The following GALNT18 variants were observed in gnomAD, a reference collection of about 807,000 sequenced individuals.
The protein encoded by GALNT18 is GalNAc-transferase 18.
A neutral mutation model predicts 69.5 loss-of-function variants in GALNT18; 44 were observed. The observed-to-expected ratio is 0.63, with a 90% confidence interval of 0.50 to 0.81. The LOEUF (loss-of-function observed/expected upper bound fraction) is 0.81. Ranked by LOEUF, GALNT18 falls within the 40% of genes least tolerant of loss-of-function variation. GALNT18 has a pLI of 0.00. For synonymous variants in GALNT18, 364 were observed against 318.2 expected (o/e 1.14, Z -1.53); for missense variants, 715 against 810.0 (o/e 0.88, Z 1.42).
chr11:11,371,446 G>A (rs1439613181), intron 6 of GALNT18, among the ~76,000 whole-genome samples: 2 of 152,214 alleles, frequency 1.3e-5, no homozygotes, highest in African/African-American at 4.8e-5. Context: ...TGCCAGAGTA[G>A]GGCCAGTAGG....
At chr11:11,575,671 G>A (rs1057153121) in intron 1 of GALNT18, among the ~76,000 whole-genome samples, 1 of 152,214 alleles carries the variant, frequency 6.6e-6, no homozygotes, top group African/African-American at 2.4e-5. Context: ...GATGTAAGCT[G>A]CTCCCCTTCC....
chr11:11,416,747 G>A (rs1267674528), intron 3 of GALNT18, among the ~76,000 whole-genome samples: 1 of 152,154 alleles, frequency 6.6e-6, no homozygotes, highest in Non-Finnish European at 1.5e-5. Flanking sequence ...ATCCCCCAGG[G>A]TAGCAGGTCA....
At chr11:11,503,892 G>T (rs530470987) in intron 1 of GALNT18, among the ~76,000 whole-genome samples, 23 of 152,262 alleles carry the variant, frequency 1.5e-4, no homozygotes, top group African/African-American at 5.3e-4. Context: ...TGCCAGCAGT[G>T]CAGAAACCCC....
chr11:11,291,851 C>G (rs980757631), intron 10 of GALNT18, among the ~76,000 whole-genome samples: 3 of 152,196 alleles, frequency 2.0e-5, no homozygotes, highest in Non-Finnish European at 4.4e-5. Flanking sequence ...CTAAGAGTCT[C>G]TGTAAGTGCT....
intron 9 of GALNT18, among the ~76,000 whole-genome samples, chr11:11,301,709 C>G (rs1319808387): frequency 6.6e-6 from 1 of 152,140 alleles, no homozygotes; most frequent in Non-Finnish European, 1.5e-5. Flanking sequence ...GGAACTCAGC[C>G]CATCAGTGAG....
chr11:11,495,327 C>T lies in GALNT18; in HGVS notation c.236-46391G>A, dbSNP rs572441828. Among the ~76,000 whole-genome samples, 15 of 152,256 alleles carry T rather than the reference C, an allele frequency of 9.9e-5. No homozygotes were observed. The South Asian group carries it at 1.2e-3, about 13-fold the overall frequency. ...AAGGTACTTCTCAGAGCCTTCACTA[C>T]GCTAATAATGAATGTGAATCTCCAA... On this transcript the variant is annotated intron_variant, in intron 1 of 10. Coordinates refer to ENST00000227756, the MANE Select transcript of GALNT18 (RefSeq NM_198516.3).
Position 11,341,022 on chromosome 11 carries a change from C to G in GALNT18, c.1093-18G>C. The stretch of plus-strand genomic sequence containing the variant: ...TGCCACACCTGCAGAAGACATGGAG[C>G]CACTTGTCAGAGCCTGCCTGGCTCT... On this transcript the variant is annotated intron_variant, in intron 6 of 10. Coordinates refer to ENST00000227756, the MANE Select transcript of GALNT18 (RefSeq NM_198516.3). The surrounding 1 kb of genome is among the most constrained non-coding windows in gnomAD (Gnocchi z 6.3). The G allele has an allele frequency of 6.3e-7, 1 of 1,578,120 alleles. No individual in the cohort carries two copies.
rs1023409512 is a variant in GALNT18 at position 11,338,054 on chromosome 11, G to A, written c.1278+2765C>T. ...ACGATCTCAGCTCACTGGGACCTCC[G>A]CCTCCCAGGTTAAAATGATTCTCTT... is the stretch of plus-strand genomic sequence containing the variant. On this transcript the variant is annotated intron_variant, in intron 7 of 10. Transcript: ENST00000227756. This position sits in a 1 kb window ranked among gnomAD's most constrained non-coding sequence, Gnocchi z 5.3. Among the ~76,000 whole-genome samples, 3 of 144,220 alleles carry A rather than the reference G, an allele frequency of 2.1e-5. No individual in the cohort carries two copies. The highest frequency in any genetic ancestry group is 4.5e-5 in the Non-Finnish European group (3 of 67,164). 94.6% of individuals were successfully genotyped at this position (144,220 alleles called of 152,430 possible). A position where few individuals can be genotyped will look rare whatever the true frequency, so the allele number is the denominator to read the frequency against.
At chr11:11,407,577 C>T (rs906321280) in intron 3 of GALNT18, among the ~76,000 whole-genome samples, 7 of 152,182 alleles carry the variant, frequency 4.6e-5, no homozygotes, top group Admixed American at 3.9e-4. Flanking sequence ...AAGTCAGCTG[C>T]ATGATGTAGC....
chr11:11,579,575 C>T (rs886543525), intron 1 of GALNT18, among the ~76,000 whole-genome samples: 2 of 152,180 alleles, frequency 1.3e-5, no homozygotes, highest in Admixed American at 1.3e-4. Context: ...ACCCCATGGG[C>T]ATCGCAGGCC....
chr11:11,361,484 T>C (rs756829573), intron 6 of GALNT18, among the ~76,000 whole-genome samples: 4 of 152,210 alleles, frequency 2.6e-5, no homozygotes, highest in Non-Finnish European at 5.9e-5. Context: ...GTCATATTAC[T>C]ATTAATCATT....
Position 11,620,332 on chromosome 11 carries a change from C to CGT in GALNT18, c.235+1025_235+1026dup, listed in dbSNP as rs1292077640. 5.2e-3 allele frequency among the ~76,000 whole-genome samples: 463 copies of CGT among 88,466 alleles called. 3 individuals carry two copies. Among genetic ancestry groups the CGT allele is most frequent in the African/African-American group, 0.02 (412 of 20,904 alleles). The allele number at this position is 88,466 out of a possible 152,430, so 58.0% of individuals were successfully genotyped here. On this transcript the variant is annotated intron_variant, in intron 1 of 10. Transcript: ENST00000227756. The surrounding 1 kb of genome is among the most constrained non-coding windows in gnomAD (Gnocchi z 6.9). ...GTGGACGTGAGCGCGCGCGCGCGCG[C>CGT]GTGTGTGTGTGTGTGTGCACACCCG... is the stretch of plus-strand genomic sequence containing the variant.
At chr11:11,558,582 C>T (rs1298631507) in intron 1 of GALNT18, among the ~76,000 whole-genome samples, 1 of 152,222 alleles carries the variant, frequency 6.6e-6, no homozygotes, top group Non-Finnish European at 1.5e-5. Flanking sequence ...AGCATTTCCA[C>T]CCTTCTTTAG....
Position 11,449,134 on chromosome 11 carries a change from C to G in GALNT18, c.236-198G>C, listed in dbSNP as rs867309827. ...TCCATCCATTCATCTAACCCACAACCACCAGGCACAGGAGTTAGAGAAATA... is the reference window on the plus strand; with the variant it reads ...TCCATCCATTCATCTAACCCACAACGACCAGGCACAGGAGTTAGAGAAATA... On this transcript the variant is annotated intron_variant, in intron 1 of 10. Transcript: ENST00000227756. 7.9e-5 allele frequency among the ~76,000 whole-genome samples: 12 copies of G among 152,368 alleles called. No individual in the cohort carries two copies. In the South Asian group the frequency reaches 1.2e-3, roughly 16 times the overall value.
Position 11,372,293 on chromosome 11 carries a change from A to C in GALNT18, c.1092+222T>G, listed in dbSNP as rs541772564. ...TTGAGTTGGCAGCTTAACCTCTCCC[A>C]TGCTCCCTCCCCCAGCCAAGCTGGT... On this transcript the variant is annotated intron_variant, in intron 6 of 10. Transcript: ENST00000227756. The surrounding 1 kb of genome is among the most constrained non-coding windows in gnomAD (Gnocchi z 4.9). Among the ~76,000 whole-genome samples, 1 of 152,132 alleles carries C rather than the reference A, an allele frequency of 6.6e-6. No homozygotes were observed. The highest frequency in any genetic ancestry group is 6.5e-5 in the Admixed American group (1 of 15,286).
intron 1 of GALNT18, among the ~76,000 whole-genome samples, chr11:11,508,191 T>C (rs1479324581): frequency 6.6e-6 from 1 of 152,256 alleles, no homozygotes; most frequent in African/African-American, 2.4e-5. Flanking sequence ...GCTTGTTATA[T>C]ATCTTTTTGG....
chr11:11,514,391 G>A (rs1240142338), intron 1 of GALNT18, among the ~76,000 whole-genome samples: 6 of 152,166 alleles, frequency 3.9e-5, no homozygotes, highest in Admixed American at 3.9e-4. Context: ...CACCTCCAAG[G>A]AAGCAGCCTC....
intron 1 of GALNT18, among the ~76,000 whole-genome samples, chr11:11,492,364 A>C (rs1856788147): frequency 6.6e-6 from 1 of 152,128 alleles, no homozygotes. Flanking sequence ...AACCAACAAT[A>C]ACACTGCCAT....
chr11:11,271,537 C>T (rs1285225585), intron 10 of GALNT18, among the ~76,000 whole-genome samples: 1 of 150,990 alleles, frequency 6.6e-6, no homozygotes, highest in Non-Finnish European at 1.5e-5. Flanking sequence ...GCCTCCCCAC[C>T]CCTAGGTAGT....
Sources: gnomAD v4.1 joint callset for allele counts (sites outside exome capture counted in the v4.1 genomes callset) on GRCh38, gnomAD v4.1.1 for gene constraint, Gnocchi (gnomAD v3.1) non-coding constraint, MANE v1.5 for transcripts, NCBI Gene and HGNC (gene_info 2026-07-23, HGNC 2026-07-21) for gene names.